Variants in ULK4 observed in about 807,000 individuals in gnomAD.
ULK4 encodes inactive serine/threonine-protein kinase ULK4.
ULK4 carries 133 observed loss-of-function variants against 160.6 expected under a neutral mutation model. That is an observed-to-expected ratio of 0.83 (90% CI 0.72 to 0.96). The LOEUF is 0.96. ULK4 is among the 40% of genes least tolerant of loss of function. The pLI is 0.00. For synonymous variants in ULK4, 534 were observed against 539.8 expected, an observed-to-expected ratio of 0.99 and a Z score of 0.15; for missense variants, 1,580 against 1,499.5, an observed-to-expected ratio of 1.05 and a Z score of -0.89.
At chr3:41,850,479 T>C (rs532570950) in intron 17 of ULK4, among the ~76,000 whole-genome samples, 11,219 of 151,726 alleles carry the variant, frequency 0.074, 1,319 homozygotes, top group African/African-American at 0.25. Context: ...ACCTGTTGTT[T>C]CCTGACTTTT....
At chr3:41,737,605 G>A (rs2038100136) in intron 22 of ULK4, among the ~76,000 whole-genome samples, 1 of 151,786 alleles carries the variant, frequency 6.6e-6, no homozygotes, top group Admixed American at 6.6e-5. Context: ...CGCTATCTAA[G>A]TCCATTTTTA....
At chr3:41,422,872 AC>A (rs2082692968) in intron 34 of ULK4, among the ~76,000 whole-genome samples, 1 of 152,196 alleles carries the variant, frequency 6.6e-6, no homozygotes, top group Non-Finnish European at 1.5e-5. Flanking sequence ...TACTACACAA[AC>A]ATGTGTTTTG....
intron 19 of ULK4, among the ~76,000 whole-genome samples, chr3:41,802,900 CT>C (rs1325555968): frequency 6.6e-6 from 1 of 152,202 alleles, no homozygotes; most frequent in African/African-American, 2.4e-5. Context: ...GGCGCAGTGG[CT>C]CACGCCTGTA....
chr3:41,547,029 T>C (rs1008777903), intron 32 of ULK4, among the ~76,000 whole-genome samples: 2 of 152,174 alleles, frequency 1.3e-5, no homozygotes, highest in Non-Finnish European at 2.9e-5. Context: ...TTCACATACT[T>C]TGTTGAGTTT....
At chr3:41,794,675 AAAAAAAAAAAAC>A (rs1415320383) in intron 20 of ULK4, among the ~76,000 whole-genome samples, 1 of 131,158 alleles carries the variant, frequency 7.6e-6, no homozygotes, top group Non-Finnish European at 1.6e-5. Flanking sequence ...AAAAAAAAAA[AAAAAAAAAAAAC>A]ACAGAAAAAA....
intron 31 of ULK4, among the ~76,000 whole-genome samples, chr3:41,601,492 G>A (rs1289134326): frequency 6.6e-6 from 1 of 152,116 alleles, no homozygotes; most frequent in Admixed American, 6.5e-5. Context: ...AAAGAGTAAA[G>A]TAGAAAAATT....
At chr3:41,252,429 G>T (rs2078759136) in intron 35 of ULK4, among the ~76,000 whole-genome samples, 1 of 151,970 alleles carries the variant, frequency 6.6e-6, no homozygotes, top group Non-Finnish European at 1.5e-5. Flanking sequence ...TAAAAAAGGA[G>T]AATATAGCAA....
intron 35 of ULK4, among the ~76,000 whole-genome samples, chr3:41,305,371 C>T (rs779720969): frequency 6.6e-6 from 1 of 152,230 alleles, no homozygotes; most frequent in African/African-American, 2.4e-5. Context: ...CCTGCGATTG[C>T]AGGCTCGAGC....
chr3:41,561,973 T>C (rs1459140891), intron 32 of ULK4, among the ~76,000 whole-genome samples: 1 of 152,200 alleles, frequency 6.6e-6, no homozygotes, highest in Admixed American at 6.5e-5. Flanking sequence ...TTTTAGATCT[T>C]TTCTGCTTTC....
At chr3:41,443,722 A>T (rs2083225227) in intron 34 of ULK4, among the ~76,000 whole-genome samples, 1 of 151,352 alleles carries the variant, frequency 6.6e-6, no homozygotes, top group African/African-American at 2.4e-5. Flanking sequence ...TACATATTAT[A>T]AAATGAACCT....
intron 34 of ULK4, among the ~76,000 whole-genome samples, chr3:41,415,405 C>T (rs1169683617): frequency 1.3e-5 from 2 of 152,064 alleles, no homozygotes; most frequent in Non-Finnish European, 2.9e-5. Context: ...ATCTTGTGCC[C>T]CTACAAACCT....
chr3:41,505,997 C>A (rs1340771042), intron 32 of ULK4, among the ~76,000 whole-genome samples: 2 of 151,070 alleles, frequency 1.3e-5, no homozygotes, highest in South Asian at 2.1e-4. Flanking sequence ...CTTAGTAAAC[C>A]AAAAGTTTTA....
chr3:41,376,820 A>G (rs1208121321), intron 35 of ULK4, among the ~76,000 whole-genome samples: 3 of 150,088 alleles, frequency 2.0e-5, no homozygotes, highest in East Asian at 2.1e-4. Flanking sequence ...TACAGATTCA[A>G]TGCCATCCCC....
intron 31 of ULK4, among the ~76,000 whole-genome samples, chr3:41,574,496 T>G (rs2088113088): frequency 6.8e-6 from 1 of 146,708 alleles, no homozygotes; most frequent in African/African-American, 2.5e-5. Context: ...TGTCTCTACT[T>G]CCAGCTTCAC....
At chr3:41,488,313 T>C (rs1042711003) in intron 32 of ULK4, among the ~76,000 whole-genome samples, 1 of 152,116 alleles carries the variant, frequency 6.6e-6, no homozygotes, top group African/African-American at 2.4e-5. Context: ...ATTATTCCCA[T>C]CCCTCTGCAT....
Position 41,246,883 on chromosome 3 carries a change from C to A in ULK4, c.*46G>T. On this transcript the variant is annotated 3_prime_UTR_variant, in exon 37 of 37. Transcript: ENST00000301831. The stretch of plus-strand genomic sequence containing the variant: ...TGGGAGCTGACCTTGCTTATGCATC[C>A]GAGGGCTGGGGCCACAGGGCGGGCT... 6.2e-7 allele frequency: 1 copy of A among 1,602,920 alleles called. No homozygotes were observed. Among genetic ancestry groups the A allele is most frequent in the Non-Finnish European group, 8.5e-7 (1 of 1,174,038 alleles).
intron 32 of ULK4, among the ~76,000 whole-genome samples, chr3:41,538,956 T>C (rs1018534269): frequency 6.6e-6 from 1 of 151,864 alleles, no homozygotes; most frequent in African/African-American, 2.4e-5. Context: ...TTTAGATTTG[T>C]ACATATTTTA....
intron 34 of ULK4, among the ~76,000 whole-genome samples, chr3:41,423,595 G>A (rs370723116): frequency 6.6e-6 from 1 of 152,166 alleles, no homozygotes; most frequent in Admixed American, 6.5e-5. Context: ...GGCCAAGATG[G>A]CCGAATAGAA....
intron 19 of ULK4, among the ~76,000 whole-genome samples, chr3:41,813,608 T>C (rs2040877549): frequency 6.6e-6 from 1 of 152,240 alleles, no homozygotes. Context: ...ACTAATTACC[T>C]AAACAAGGAG....
Sources: allele counts gnomAD v4.1 joint callset (sites outside exome capture counted in the v4.1 genomes callset), GRCh38; gene constraint gnomAD v4.1.1; transcripts MANE v1.5; gene names NCBI Gene and HGNC (gene_info 2026-07-23, HGNC 2026-07-21).